The following THBS1 variants were observed in gnomAD, a reference collection of about 807,000 sequenced individuals.
THBS1 encodes thrombospondin 1.
THBS1 carries 29 observed loss-of-function variants against 126.1 expected under a neutral mutation model. The ratio of observed to expected loss-of-function variants is 0.23; its 90% CI spans 0.17 to 0.31. THBS1 has a LOEUF of 0.31. Among genes scored for constraint, THBS1 ranks in the 10% least tolerant of loss-of-function variants. THBS1 has a pLI of 1.00. For missense variants in THBS1, 1,198 were observed against 1,545.2 expected (o/e 0.78, Z 3.77); for synonymous variants, 496 against 577.8 (o/e 0.86, Z 2.03).
Position 39,589,218 on chromosome 15 carries a change from A to G in THBS1, c.1790A>G (p.Asp597Gly). 1.2e-6 allele frequency: 2 copies of G among 1,614,164 alleles called. No homozygotes were observed. The highest frequency in any genetic ancestry group is 1.7e-6 in the Non-Finnish European group (2 of 1,180,028). The change falls in exon 12 of 22, where the codon GAT (aspartate) becomes GGT (glycine). Residue 597 changes from aspartate to glycine, a missense_variant. Asp to Gly is a moderately conservative substitution (Grantham distance 94). Coordinates refer to ENST00000260356, the MANE Select transcript of THBS1 (RefSeq NM_003246.4). This position sits in a 1 kb window ranked among gnomAD's most constrained non-coding sequence, Gnocchi z 4.7. ...TDVDECKEVPDACFNHNGEHR... is the reference protein window; with the variant it reads ...TDVDECKEVPGACFNHNGEHR... ...CCTCCATAGTGCAAAGAAGTGCCTG[A>G]TGCCTGCTTCAACCACAATGGAGAG...
chr15:39,588,865 C>G, intron 10 of THBS1, 94 bp from the exon 11 acceptor site: 1 of 1,607,906 alleles, frequency 6.2e-7, no homozygotes, highest in Non-Finnish European at 8.5e-7. Flanking sequence ...TCCCTATACC[C>G]TATAATATCT....
At chr15:39,583,570 C>CA in intron 3 of THBS1, 47 bp from the exon 4 acceptor site, 2 of 1,415,522 alleles carry the variant, frequency 1.4e-6, no homozygotes, top group Non-Finnish European at 2.0e-6. Context: ...AACCCCATCC[C>CA]CACCCCGCTC....
At chr15:39,585,613 A>G in intron 7 of THBS1, 50 bp downstream of exon 7, 1 of 1,554,524 alleles carries the variant, frequency 6.4e-7, no homozygotes, top group Non-Finnish European at 8.8e-7. Flanking sequence ...GGTCAGTTCT[A>G]CATACATCCT....
chr15:39,582,161 A>C, intron 2 of THBS1, 32 bp from the exon 3 acceptor site: 5 of 1,554,464 alleles, frequency 3.2e-6, no homozygotes, highest in Non-Finnish European at 4.3e-6. Context: ...CCAGCCTAGA[A>C]AGCTCACTTT....
chr15:39,593,755 C>T lies in THBS1; in HGVS notation c.3267+87C>T. On this transcript the variant is annotated intron_variant, in intron 19 of 21. Transcript: ENST00000260356. This position sits in a 1 kb window ranked among gnomAD's most constrained non-coding sequence, Gnocchi z 5.9. ...GCTGTGCTTTGACCAAGACTCTGAC[C>T]AGGGAGTCTTAGAAAGTTCCCAGCA... The T allele has an allele frequency of 6.6e-7, 1 of 1,525,408 alleles. No individual in the cohort carries two copies. The highest frequency in any genetic ancestry group is 8.8e-7 in the Non-Finnish European group (1 of 1,132,808). The allele number at this position is 1,525,408 out of a possible 1,614,324, so 94.5% of individuals were successfully genotyped here.
rs2228262 is a variant in THBS1 at position 39,589,977 on chromosome 15, A to G, written c.2099A>G (p.Asn700Ser). 0.1 allele frequency: 167,288 copies of G among 1,613,160 alleles called. 9,683 individuals are homozygous for G. Among genetic ancestry groups the G allele is most frequent in the Non-Finnish European group, 0.12 (143,297 of 1,179,474 alleles). Residue 700 changes from asparagine to serine, a missense_variant, in exon 13 of 22, where the codon AAT becomes AGT. Coordinates refer to ENST00000260356, the MANE Select transcript of THBS1 (RefSeq NM_003246.4). This position sits in a 1 kb window ranked among gnomAD's most constrained non-coding sequence, Gnocchi z 4.7. ...GACACAGACCTGGATGGCTGGCCCA[A>G]TGAGAACCTGGTGTGCGTGGCCAAT... ...GEDTDLDGWPNENLVCVANAT... is the reference protein window; with the variant it reads ...GEDTDLDGWPSENLVCVANAT...
In THBS1 at chr15:39,592,439, G is replaced by A. The variant is rs1370556026; in HGVS notation, c.2533-129G>A. On this transcript the variant is annotated intron_variant, in intron 16 of 21. Transcript: ENST00000260356. The surrounding 1 kb of genome is among the most constrained non-coding windows in gnomAD (Gnocchi z 4.3). ...TATTGCTATCTTTCTGCAGGAGTGT[G>A]TAAATAGACATGACACCCCACTGGC... 2.9e-6 allele frequency: 2 copies of A among 691,948 alleles called. No individual in the cohort carries two copies. The highest frequency in any genetic ancestry group is 2.0e-5 in the South Asian group (1 of 50,812). The allele number at this position is 691,948 out of a possible 1,614,324, so 42.9% of individuals were successfully genotyped here.
rs760270384 is a variant in THBS1, at chr15:39,585,480, C to T, written c.1037C>T (p.Thr346Ile). 3.7e-6 allele frequency: 6 copies of T among 1,614,018 alleles called. No homozygotes were observed. The highest frequency in any genetic ancestry group is 5.1e-6 in the Non-Finnish European group (6 of 1,179,998). The change falls in exon 7 of 22, where the codon ACC (threonine) becomes ATC (isoleucine). Residue 346 changes from threonine to isoleucine, a missense_variant. Around this residue, in one of 4 missense-constraint regions of THBS1, gnomAD observed 663 missense variants for 860.1 expected, o/e 0.77. Coordinates refer to ENST00000260356, the MANE Select transcript of THBS1 (RefSeq NM_003246.4). Reference protein sequence around the residue: ...CTECHCQNSVTICKKVSCPIM... With the variant: ...CTECHCQNSVIICKKVSCPIM... ...TCTCTTGCCCTGCAGAACTCAGTTA[C>T]CATCTGCAAAAAGGTGTCCTGCCCC...
In THBS1 at chr15:39,592,832, G is replaced by A. The variant is rs200491632; in HGVS notation, c.2767+30G>A. ...GTCATGGGAGCCACTTTCTAAGACAGGGACTGCTGGCACAGCTGTGTAGAT... is the reference window on the plus strand; with the variant it reads ...GTCATGGGAGCCACTTTCTAAGACAAGGACTGCTGGCACAGCTGTGTAGAT... On this transcript the variant is annotated intron_variant, in intron 17 of 21. Transcript: ENST00000260356. This position sits in a 1 kb window ranked among gnomAD's most constrained non-coding sequence, Gnocchi z 4.3. 118 of 1,597,218 alleles carry A rather than the reference G, an allele frequency of 7.4e-5. No homozygotes were observed. The African/African-American group carries it at 1.4e-3, about 18-fold the overall frequency.
chr15:39,593,977 C>T lies in THBS1; in HGVS notation c.3268-122C>T, dbSNP rs973116056. 10 of 1,075,428 alleles carry T rather than the reference C, an allele frequency of 9.3e-6. No homozygotes were observed. The highest frequency in any genetic ancestry group is 1.3e-5 in the Non-Finnish European group (10 of 757,074). The allele number at this position is 1,075,428 out of a possible 1,614,324, so 66.6% of individuals were successfully genotyped here. A position where few individuals can be genotyped will look rare whatever the true frequency, so the allele number is the denominator to read the frequency against. ...ATATGAGAGGACTTGGAAAAATTCCCCATTGCAGCCCTCTAACTTAGATCA... is the reference window on the plus strand; with the variant it reads ...ATATGAGAGGACTTGGAAAAATTCCTCATTGCAGCCCTCTAACTTAGATCA... On this transcript the variant is annotated intron_variant, in intron 19 of 21. Transcript: ENST00000260356. The surrounding 1 kb of genome is among the most constrained non-coding windows in gnomAD (Gnocchi z 5.9).
intron 10 of THBS1, 50 bp from the exon 11 acceptor site, chr15:39,588,909 G>A: frequency 6.2e-7 from 1 of 1,614,068 alleles, no homozygotes; most frequent in African/African-American, 1.3e-5. Flanking sequence ...TGGCAGTATG[G>A]CAGCTTAGAC....
Position 39,591,317 on chromosome 15 carries a change from G to A in THBS1, c.2380G>A (p.Gly794Arg), listed in dbSNP as rs764179721. 2 of 1,614,176 alleles carry A rather than the reference G, an allele frequency of 1.2e-6. No homozygotes were observed. The highest frequency in any genetic ancestry group is 1.1e-5 in the South Asian group (1 of 91,082). ...DQADTDNNGEGDACAADIDGD... is the reference protein window; with the variant it reads ...DQADTDNNGERDACAADIDGD... The stretch of plus-strand genomic sequence containing the variant: ...GGCAGACACAGACAACAATGGGGAA[G>A]GAGACGCCTGTGCTGCAGACATTGA... The change falls in exon 15 of 22, where the codon GGA (glycine) becomes AGA (arginine). Residue 794 changes from glycine (G) to arginine (R), a missense_variant. Physicochemically the swap from Gly to Arg is moderately radical, Grantham distance 125. Transcript: ENST00000260356.
intron 13 of THBS1, 125 bp downstream of exon 13, chr15:39,590,148 G>GATTT: frequency 4.3e-6 from 4 of 928,848 alleles, no homozygotes; most frequent in African/African-American, 1.7e-5. Flanking sequence ...CCCAAAGGGA[G>GATTT]AGGGGCACTA....
rs370391850 is a variant in THBS1, at chr15:39,582,546, G to T, written c.421G>T (p.Val141Leu). Residue 141 changes from valine (V) to leucine (L), a missense_variant, in exon 3 of 22, where the codon GTG becomes TTG. By Grantham distance (32) the Val-to-Leu change is conservative (BLOSUM62 1). Coordinates refer to ENST00000260356, the MANE Select transcript of THBS1 (RefSeq NM_003246.4). Reference protein sequence around the residue: ...SLTVQGKQHVVSVEEALLATG... With the variant: ...SLTVQGKQHVLSVEEALLATG... The stretch of plus-strand genomic sequence containing the variant: ...GACCGTCCAAGGAAAGCAGCACGTG[G>T]TGTCTGTGGAAGAAGCTCTCCTGGC... The T allele has an allele frequency of 6.2e-7, 1 of 1,614,078 alleles. No homozygotes were observed. The highest frequency in any genetic ancestry group is 8.5e-7 in the Non-Finnish European group (1 of 1,180,042).
At position 39,593,871 on chromosome 15, in the gene THBS1, T is replaced by G; in HGVS notation, c.3267+203T>G. 2 of 950,386 alleles carry G rather than the reference T, an allele frequency of 2.1e-6. No homozygotes were observed. The highest frequency in any genetic ancestry group is 5.3e-5 in the East Asian group (2 of 37,868). The allele number at this position is 950,386 out of a possible 1,614,324, so 58.9% of individuals were successfully genotyped here. On this transcript the variant is annotated intron_variant, in intron 19 of 21. Coordinates refer to ENST00000260356, the MANE Select transcript of THBS1 (RefSeq NM_003246.4). This position sits in a 1 kb window ranked among gnomAD's most constrained non-coding sequence, Gnocchi z 5.9. Reference sequence around the variant, plus strand: ...AAGAATTGCCCTGCAAATCCTAAGGTGCCTTCAGCCTTTTCAAACAAAAAA... The same window carrying G: ...AAGAATTGCCCTGCAAATCCTAAGGGGCCTTCAGCCTTTTCAAACAAAAAA...
chr15:39,595,102 TA>T (rs1159866412), intron 21 of THBS1, among the ~76,000 whole-genome samples: 8 of 152,198 alleles, frequency 5.3e-5, no homozygotes, highest in African/African-American at 1.9e-4. Flanking sequence ...ATTTTTAAAA[TA>T]AGACTCCCTA....
intron 1 of THBS1, chr15:39,581,602 G>A (rs58634016): frequency 0.028 from 11,729 of 421,146 alleles, 1,337 homozygotes; most frequent in African/African-American, 0.24. Flanking sequence ...TTGGTCTTGC[G>A]CCCCCCACAC....
Position 39,592,901 on chromosome 15 carries a change from G to A in THBS1, c.2767+99G>A. ...GCTCAAAGCATTTGACAGGATGAAGGGACCAAATGCCAACTTAGACAAGAT... is the reference window on the plus strand; with the variant it reads ...GCTCAAAGCATTTGACAGGATGAAGAGACCAAATGCCAACTTAGACAAGAT... On this transcript the variant is annotated intron_variant, in intron 17 of 21. Coordinates refer to ENST00000260356, the MANE Select transcript of THBS1 (RefSeq NM_003246.4). This position sits in a 1 kb window ranked among gnomAD's most constrained non-coding sequence, Gnocchi z 4.3. 1.3e-6 allele frequency: 2 copies of A among 1,538,756 alleles called. No homozygotes were observed. Among genetic ancestry groups the A allele is most frequent in the Non-Finnish European group, 1.8e-6 (2 of 1,123,448 alleles).
chr15:39,587,638 TC>T, intron 8 of THBS1, 118 bp downstream of exon 8: 1 of 1,096,384 alleles, frequency 9.1e-7, no homozygotes, highest in Non-Finnish European at 1.3e-6. Flanking sequence ...TGGATCCCAA[TC>T]CCACTGCTTA....
Sources: gnomAD v4.1 joint callset for allele counts (sites outside exome capture counted in the v4.1 genomes callset) on GRCh38, gnomAD v4.1.1 for gene constraint, gnomAD v4.1.1 regional missense constraint, Gnocchi (gnomAD v3.1) non-coding constraint, MANE v1.5 for transcripts, NCBI Gene and HGNC (gene_info 2026-07-23, HGNC 2026-07-21) for gene names.